EPHA6: variants seen among roughly 807,000 people sequenced by gnomAD.
The protein encoded by EPHA6 is EPH receptor A6.
A neutral mutation model predicts 112.0 loss-of-function variants in EPHA6; 50 were observed. That is an observed-to-expected ratio of 0.45 (90% CI 0.36 to 0.56). EPHA6 has a LOEUF of 0.56. Among genes scored for constraint, EPHA6 ranks in the 20% least tolerant of loss-of-function variants. EPHA6 has a pLI of 0.00. For synonymous variants in EPHA6, 529 were observed against 490.7 expected (o/e 1.08, Z -1.03); for missense variants, 1,280 against 1,417.4 (o/e 0.90, Z 1.56).
intron 3 of EPHA6, among the ~76,000 whole-genome samples, chr3:97,040,270 T>G (rs903619612): frequency 1.3e-5 from 2 of 151,904 alleles, no homozygotes; most frequent in African/African-American, 2.4e-5. Context: ...GTGTCTTAAG[T>G]CTCAAGTATG....
intron 11 of EPHA6, among the ~76,000 whole-genome samples, chr3:97,582,204 T>C (rs9867783): frequency 0.018 from 2,755 of 151,998 alleles, 106 homozygotes; most frequent in African/African-American, 0.063. Flanking sequence ...TAATTTTGTA[T>C]TTTCAGTAGA....
intron 3 of EPHA6, among the ~76,000 whole-genome samples, chr3:97,016,854 C>T (rs2044283429): frequency 6.6e-6 from 1 of 152,090 alleles, no homozygotes; most frequent in Non-Finnish European, 1.5e-5. Flanking sequence ...GATTATTTTG[C>T]CATTTGTTCA....
At chr3:97,644,294 T>C (rs1450812009) in intron 14 of EPHA6, among the ~76,000 whole-genome samples, 2 of 146,972 alleles carry the variant, frequency 1.4e-5, no homozygotes, top group Non-Finnish European at 3.0e-5. Flanking sequence ...AAGCAGTGTG[T>C]AGAGGGAAAT....
Position 97,243,169 on chromosome 3 carries a change from G to A in EPHA6, c.1271-783G>A, listed in dbSNP as rs572162038. 9.2e-5 allele frequency among the ~76,000 whole-genome samples: 14 copies of A among 151,892 alleles called. 1 individual carries two copies. In the South Asian group the frequency reaches 2.5e-3, roughly 27 times the overall value. On this transcript the variant is annotated intron_variant, in intron 4 of 17. Coordinates refer to ENST00000389672, the MANE Select transcript of EPHA6 (RefSeq NM_001080448.3). ...CCCTCCTTAGACTGACTTGGTTTTC[G>A]AGGTCTTTATGACAAATAGGAGAAT... is the stretch of plus-strand genomic sequence containing the variant.
At chr3:97,326,836 T>G (rs998040807) in intron 5 of EPHA6, among the ~76,000 whole-genome samples, 2 of 152,098 alleles carry the variant, frequency 1.3e-5, no homozygotes, top group Non-Finnish European at 2.9e-5. Context: ...TCATTGCAGA[T>G]CCTCTGAAAT....
intron 2 of EPHA6, among the ~76,000 whole-genome samples, chr3:96,954,773 C>CTTTTTTTTTTTT (rs10612575): frequency 1.7e-4 from 12 of 72,686 alleles, no homozygotes; most frequent in African/African-American, 6.6e-4. Context: ...ACTGGTGTGC[C>CTTTTTTTTTTTT]TTTTTTTTTT....
chr3:97,598,372 G>A (rs932049963), intron 12 of EPHA6, among the ~76,000 whole-genome samples: 31 of 146,586 alleles, frequency 2.1e-4, no homozygotes, highest in Non-Finnish European at 3.6e-4. Context: ...CCACTAACTC[G>A]TCATCTAGCA....
At chr3:97,344,002 C>G (rs1367899340) in intron 5 of EPHA6, among the ~76,000 whole-genome samples, 2 of 152,064 alleles carry the variant, frequency 1.3e-5, no homozygotes, top group Non-Finnish European at 2.9e-5. Context: ...CCTATTTTTT[C>G]CCCTTTGTAG....
chr3:97,290,494 T>C (rs1202243089), intron 5 of EPHA6, among the ~76,000 whole-genome samples: 1 of 152,120 alleles, frequency 6.6e-6, no homozygotes, highest in East Asian at 1.9e-4. Context: ...ATTTCGTTAG[T>C]TTTCTGCATT....
At chr3:97,347,441 CA>C (rs907458306) in intron 5 of EPHA6, among the ~76,000 whole-genome samples, 28 of 151,652 alleles carry the variant, frequency 1.8e-4, no homozygotes, top group African/African-American at 3.4e-4. Flanking sequence ...AGTAAATGTA[CA>C]AAAAAAATTT....
At chr3:97,558,376 GTT>G (rs949705818) in intron 11 of EPHA6, among the ~76,000 whole-genome samples, 5 of 151,998 alleles carry the variant, frequency 3.3e-5, no homozygotes, top group African/African-American at 1.2e-4. Flanking sequence ...TTTCATCTCA[GTT>G]TCTACCTAAA....
intron 1 of EPHA6, among the ~76,000 whole-genome samples, chr3:96,842,457 C>T (rs982044753): frequency 6.6e-6 from 1 of 151,936 alleles, no homozygotes; most frequent in Non-Finnish European, 1.5e-5. Flanking sequence ...AGATTATATC[C>T]GAGAGGTTAG....
At chr3:96,973,168 G>A (rs961540735) in intron 2 of EPHA6, among the ~76,000 whole-genome samples, 1 of 152,132 alleles carries the variant, frequency 6.6e-6, no homozygotes, top group Non-Finnish European at 1.5e-5. Flanking sequence ...TGTGGATGTA[G>A]AAGGGTTTTT....
chr3:96,987,224 T>C (rs1309101952), intron 2 of EPHA6, 106 bp from the exon 3 acceptor site: 23 of 959,270 alleles, frequency 2.4e-5, no homozygotes, highest in Non-Finnish European at 2.8e-5. Context: ...ATTTGTATCC[T>C]TTTAATTCAT....
chr3:97,675,717 TTTTAA>T (rs1167219687), intron 14 of EPHA6, among the ~76,000 whole-genome samples: 3 of 152,192 alleles, frequency 2.0e-5, no homozygotes, highest in African/African-American at 4.8e-5. Flanking sequence ...CCATCAGATC[TTTTAA>T]TTTAACTTCA....
intron 3 of EPHA6, among the ~76,000 whole-genome samples, chr3:97,031,904 C>G (rs570847972): frequency 1.3e-5 from 2 of 152,266 alleles, no homozygotes; most frequent in South Asian, 4.1e-4. Flanking sequence ...CATCAGGAAT[C>G]TAGAACTAGA....
At chr3:97,412,472 A>G (rs879175075) in intron 6 of EPHA6, among the ~76,000 whole-genome samples, 1 of 151,970 alleles carries the variant, frequency 6.6e-6, no homozygotes, top group Non-Finnish European at 1.5e-5. Context: ...TTTTTCGATG[A>G]GGTTGGAATA....
At chr3:97,133,791 C>T (rs2075698283) in intron 3 of EPHA6, among the ~76,000 whole-genome samples, 1 of 151,880 alleles carries the variant, frequency 6.6e-6, no homozygotes, top group Admixed American at 6.6e-5. Context: ...AATCCCTATA[C>T]CACCTAGGAG....
chr3:97,593,242 A>G (rs901890716), intron 12 of EPHA6, among the ~76,000 whole-genome samples: 1 of 152,218 alleles, frequency 6.6e-6, no homozygotes, highest in Non-Finnish European at 1.5e-5. Flanking sequence ...ATTTTTCCCT[A>G]AAAATGCCAA....
Sources: gnomAD v4.1 joint callset for allele counts (sites outside exome capture counted in the v4.1 genomes callset) on GRCh38, gnomAD v4.1.1 for gene constraint, MANE v1.5 for transcripts, NCBI Gene and HGNC (gene_info 2026-07-23, HGNC 2026-07-21) for gene names.